PCNX2: variants seen among roughly 807,000 people sequenced by gnomAD.
PCNX2 encodes pecanex 2.
In PCNX2, 168 loss-of-function variants were observed where a neutral mutation model predicts 223.8. That is an observed-to-expected ratio of 0.75 (90% CI 0.66 to 0.85). The LOEUF (loss-of-function observed/expected upper bound fraction) is 0.85, where lower values mean the gene tolerates loss of function less well. Among genes scored for constraint, PCNX2 ranks in the 40% least tolerant of loss-of-function variants. PCNX2 has a pLI of 0.00. For synonymous variants in PCNX2, 1,006 were observed against 1,052.6 expected (o/e 0.96, Z 0.86); for missense variants, 2,507 against 2,675.5 (o/e 0.94, Z 1.39).
chr1:233,206,453 C>A, intron 13 of PCNX2, among the ~76,000 whole-genome samples: 1 of 151,640 alleles, frequency 6.6e-6, no homozygotes, highest in South Asian at 2.1e-4. Context: ...TCACTGCAGC[C>A]GACTTAGTGA....
chr1:233,161,069 G>A (rs571170257), intron 18 of PCNX2, among the ~76,000 whole-genome samples: 30 of 152,224 alleles, frequency 2.0e-4, no homozygotes, highest in African/African-American at 6.7e-4. Context: ...TAAAGCAATC[G>A]AACCCTATCT....
intron 23 of PCNX2, among the ~76,000 whole-genome samples, chr1:233,068,503 G>GA (rs1479088378): frequency 2.0e-5 from 3 of 152,044 alleles, no homozygotes; most frequent in Non-Finnish European, 4.4e-5. Context: ...CTTAATGTCT[G>GA]AATCAAAAAT....
intron 22 of PCNX2, chr1:233,095,435 A>G (rs1674105889): frequency 3.4e-6 from 1 of 294,744 alleles, no homozygotes; most frequent in Non-Finnish European, 6.4e-6. Flanking sequence ...TATTTGCACT[A>G]TTTTGCACAA....
chr1:233,028,063 A>C (rs1259858566), intron 25 of PCNX2, among the ~76,000 whole-genome samples: 1 of 152,180 alleles, frequency 6.6e-6, no homozygotes, highest in East Asian at 1.9e-4. Flanking sequence ...ACATTTTTGT[A>C]AGTTTCGAGT....
chr1:233,011,342 A>C (rs369134009), intron 28 of PCNX2, among the ~76,000 whole-genome samples: 8 of 152,318 alleles, frequency 5.3e-5, no homozygotes, highest in African/African-American at 1.9e-4. Flanking sequence ...CAAATTCAAC[A>C]TCCTTTCTTG....
rs537446718 is a variant in PCNX2 at position 233,224,541 on chromosome 1, T to A, written c.2504+2685A>T. On this transcript the variant is annotated intron_variant, in intron 10 of 33. Coordinates refer to ENST00000258229, the MANE Select transcript of PCNX2 (RefSeq NM_014801.4). ...TCCGCTTCCTGCCTAGCTCTTACAGTTTGTTTTTATTATGCATATTATGCA... is the reference window on the plus strand; with the variant it reads ...TCCGCTTCCTGCCTAGCTCTTACAGATTGTTTTTATTATGCATATTATGCA... Among the ~76,000 whole-genome samples, 6 of 152,284 alleles carry A rather than the reference T, an allele frequency of 3.9e-5. No homozygotes were observed. In the South Asian group the frequency reaches 1.2e-3, roughly 32 times the overall value.
intron 9 of PCNX2, among the ~76,000 whole-genome samples, chr1:233,230,412 A>C (rs1320181607): frequency 6.6e-6 from 1 of 152,232 alleles, no homozygotes; most frequent in African/African-American, 2.4e-5. Context: ...ATAATGAAAA[A>C]AAATGAATGC....
At chr1:233,324,472 C>T in the PCNX2 span, among the ~76,000 whole-genome samples, 1 of 152,116 alleles carries the variant, frequency 6.6e-6, no homozygotes, top group East Asian at 1.9e-4. Context: ...TAAACCAATG[C>T]TCATTTACTA....
At chr1:233,296,454 C>T (rs908673096), upstream of PCNX2, among the ~76,000 whole-genome samples, 3 of 152,142 alleles carry the variant, frequency 2.0e-5, no homozygotes, top group African/African-American at 4.8e-5. Flanking sequence ...GAACATTAGT[C>T]TAAATCTCTC....
chr1:233,246,663 T>A (rs569880510), intron 8 of PCNX2, among the ~76,000 whole-genome samples: 1 of 152,264 alleles, frequency 6.6e-6, no homozygotes, highest in South Asian at 2.1e-4. Flanking sequence ...ATATTGCACA[T>A]GGGAACACAG....
At chr1:233,227,742 T>C (rs1657833199) in intron 9 of PCNX2, among the ~76,000 whole-genome samples, 1 of 152,230 alleles carries the variant, frequency 6.6e-6, no homozygotes, top group African/African-American at 2.4e-5. Context: ...AATGACTTCA[T>C]TTCTGAAAAG....
chr1:233,027,211 T>A (rs1418803141), intron 25 of PCNX2, among the ~76,000 whole-genome samples: 1 of 152,154 alleles, frequency 6.6e-6, no homozygotes, highest in Non-Finnish European at 1.5e-5. Context: ...ACATGAAGAA[T>A]TAACTGTTAG....
intron 22 of PCNX2, among the ~76,000 whole-genome samples, chr1:233,093,040 C>T (rs937655213): frequency 6.6e-6 from 1 of 152,164 alleles, no homozygotes; most frequent in African/African-American, 2.4e-5. Context: ...ACCTCATGAT[C>T]TGCCCTCCTT....
chr1:233,279,910 A>G (rs1235762791), intron 1 of PCNX2, among the ~76,000 whole-genome samples: 2 of 152,152 alleles, frequency 1.3e-5, no homozygotes, highest in East Asian at 3.9e-4. Context: ...TTCCAGTCCT[A>G]CTGCCTTCAC....
At chr1:233,261,612 T>G (rs896748114) in intron 3 of PCNX2, among the ~76,000 whole-genome samples, 2 of 152,262 alleles carry the variant, frequency 1.3e-5, no homozygotes, top group South Asian at 4.1e-4. Context: ...TGAATGGAGC[T>G]CAACAAAGTT....
intron 5 of PCNX2, among the ~76,000 whole-genome samples, chr1:233,254,185 T>C (rs550322888): frequency 1.5e-4 from 23 of 152,322 alleles, no homozygotes; most frequent in African/African-American, 5.5e-4. Flanking sequence ...TCTCTGTGAG[T>C]CCTGAACATA....
At chr1:233,311,546 T>C in the PCNX2 span, among the ~76,000 whole-genome samples, 1 of 152,230 alleles carries the variant, frequency 6.6e-6, no homozygotes, top group Admixed American at 6.5e-5. Flanking sequence ...AACTTCAGTA[T>C]GGAAAAACTG....
At chr1:233,181,045 T>A (rs1679768269) in intron 15 of PCNX2, 1 of 152,178 alleles carries the variant, frequency 6.6e-6, no homozygotes, top group Non-Finnish European at 1.5e-5. Flanking sequence ...CTTCTTTCTT[T>A]GGAGTTTTCA....
At chr1:233,108,892 C>T (rs994947635) in intron 21 of PCNX2, among the ~76,000 whole-genome samples, 1 of 152,056 alleles carries the variant, frequency 6.6e-6, no homozygotes, top group African/African-American at 2.4e-5. Flanking sequence ...CGTGTCCCAC[C>T]CCCTGCCACC....
Sources: allele counts gnomAD v4.1 joint callset (sites outside exome capture counted in the v4.1 genomes callset), GRCh38; gene constraint gnomAD v4.1.1; transcripts MANE v1.5; gene names NCBI Gene and HGNC (gene_info 2026-07-23, HGNC 2026-07-21).